TENM2: variants seen among roughly 807,000 people sequenced by gnomAD.
TENM2 encodes the protein teneurin transmembrane protein 2, also known as teneurin-2.
A neutral mutation model predicts 245.2 loss-of-function variants in TENM2; 52 were observed. That is an observed-to-expected ratio of 0.21 (90% CI 0.17 to 0.27). The LOEUF (loss-of-function observed/expected upper bound fraction) is 0.27, where lower values mean the gene tolerates loss of function less well. Among genes scored for constraint, TENM2 ranks in the 10% least tolerant of loss-of-function variants. TENM2 has a pLI of 1.00. For missense variants in TENM2, 3,046 were observed against 3,666.8 expected (o/e 0.83, Z 4.37); for synonymous variants, 1,363 against 1,438.9 (o/e 0.95, Z 1.19).
At chr5:167,569,455 T>A (rs1774135983) in intron 2 of TENM2, among the ~76,000 whole-genome samples, 3 of 152,132 alleles carry the variant, frequency 2.0e-5, no homozygotes, top group African/African-American at 7.2e-5. Context: ...CAAGTAATAA[T>A]AAACCAATGT....
intron 1 of TENM2, chr5:167,309,998 A>C (rs1475031208): frequency 6.6e-6 from 1 of 152,220 alleles, no homozygotes; most frequent in Non-Finnish European, 1.5e-5. Context: ...TGATATTTAA[A>C]TATATGATTA....
intron 3 of TENM2, among the ~76,000 whole-genome samples, chr5:167,903,695 A>G (rs1775884072): frequency 6.6e-6 from 1 of 152,200 alleles, no homozygotes; most frequent in African/African-American, 2.4e-5. Flanking sequence ...AGGAGACAGA[A>G]TAGTAGGTGG....
chr5:168,156,608 A>C (rs938237626), intron 12 of TENM2, among the ~76,000 whole-genome samples: 4 of 152,122 alleles, frequency 2.6e-5, no homozygotes, highest in African/African-American at 9.7e-5. Flanking sequence ...AGCTTTCTTC[A>C]AGTGCATTTA....
chr5:167,654,336 C>T (rs1381890082), intron 2 of TENM2, among the ~76,000 whole-genome samples: 1 of 152,094 alleles, frequency 6.6e-6, no homozygotes, highest in African/African-American at 2.4e-5. Context: ...AAGTGAGGTG[C>T]ACAGGGGTCC....
intron 2 of TENM2, among the ~76,000 whole-genome samples, chr5:167,833,059 A>G (rs909641103): frequency 3.9e-5 from 6 of 152,158 alleles, no homozygotes; most frequent in Non-Finnish European, 7.4e-5. Flanking sequence ...CGTTTTTAGA[A>G]CTAGAAGGAT....
chr5:167,744,103 T>A (rs73801367), intron 2 of TENM2, among the ~76,000 whole-genome samples: 115 of 152,318 alleles, frequency 7.5e-4, no homozygotes, highest in African/African-American at 2.6e-3. Context: ...ACAGAATCTG[T>A]TTATTCAGCC....
At chr5:167,929,101 GAAAGAAAGAAAGAAAGAA>G (rs1778056686) in intron 3 of TENM2, among the ~76,000 whole-genome samples, 1 of 104,850 alleles carries the variant, frequency 9.5e-6, no homozygotes, top group South Asian at 3.6e-4. Flanking sequence ...AAGAAAGAAA[GAAAGAAAGAAAGAAAGAA>G]AGAAAGAAAG....
intron 12 of TENM2, among the ~76,000 whole-genome samples, chr5:168,140,351 A>G (rs1755432020): frequency 6.6e-6 from 1 of 152,186 alleles, no homozygotes. Flanking sequence ...CAGCATCTAC[A>G]CTATTGGCAA....
chr5:166,984,199 C>A, the TENM2 span, among the ~76,000 whole-genome samples: 1 of 151,948 alleles, frequency 6.6e-6, no homozygotes, highest in Non-Finnish European at 1.5e-5. Flanking sequence ...GAATTTGGTT[C>A]CAAAGAATAA....
chr5:167,144,673 T>C, the TENM2 span, among the ~76,000 whole-genome samples: 69 of 152,172 alleles, frequency 4.5e-4, no homozygotes, highest in African/African-American at 1.5e-3. Context: ...TATTGCTTGT[T>C]AGCCCGTGCC....
chr5:167,986,045 G>T (rs1362497033), intron 4 of TENM2, among the ~76,000 whole-genome samples: 2 of 152,086 alleles, frequency 1.3e-5, no homozygotes, highest in African/African-American at 2.4e-5. Flanking sequence ...TATGAATGAG[G>T]TTTTTTTGTT....
chr5:167,350,292 T>A (rs941122656), intron 1 of TENM2, among the ~76,000 whole-genome samples: 1 of 152,066 alleles, frequency 6.6e-6, no homozygotes, highest in African/African-American at 2.4e-5. Context: ...CAATAATTTA[T>A]TTTTTGGATC....
chr5:167,534,351 C>T (rs1362393526), intron 2 of TENM2, among the ~76,000 whole-genome samples: 2 of 152,168 alleles, frequency 1.3e-5, no homozygotes, highest in African/African-American at 4.8e-5. Flanking sequence ...GTGAAAACCA[C>T]TTTAATGGAC....
At chr5:167,964,020 G>A (rs994043544) in intron 4 of TENM2, among the ~76,000 whole-genome samples, 2 of 152,174 alleles carry the variant, frequency 1.3e-5, no homozygotes, top group African/African-American at 4.8e-5. Context: ...ACTGCAAGCA[G>A]TCTGTACTGT....
At chr5:167,320,675 C>T (rs1581736700) in intron 1 of TENM2, among the ~76,000 whole-genome samples, 1 of 152,150 alleles carries the variant, frequency 6.6e-6, no homozygotes, top group East Asian at 1.9e-4. Context: ...TGCTCTCTTG[C>T]TCACTTGACA....
At chr5:167,262,109 G>C in the TENM2 span, among the ~76,000 whole-genome samples, 3 of 152,160 alleles carry the variant, frequency 2.0e-5, no homozygotes, top group Non-Finnish European at 4.4e-5. Flanking sequence ...CTTTGGGTAA[G>C]ATTATTTGGA....
At chr5:167,666,443 A>G (rs1450535001) in intron 2 of TENM2, among the ~76,000 whole-genome samples, 1 of 152,226 alleles carries the variant, frequency 6.6e-6, no homozygotes, top group African/African-American at 2.4e-5. Context: ...TCCAAGCCTC[A>G]GTTGCTTCAT....
intron 2 of TENM2, among the ~76,000 whole-genome samples, chr5:167,852,634 T>C (rs932729922): frequency 6.6e-5 from 10 of 152,346 alleles, no homozygotes; most frequent in Admixed American, 2.0e-4. Context: ...CTTGGCTTAA[T>C]GGTAATTGGT....
At chr5:167,102,757 C>A in the TENM2 span, among the ~76,000 whole-genome samples, 1 of 152,354 alleles carries the variant, frequency 6.6e-6, no homozygotes, top group Admixed American at 6.5e-5. Flanking sequence ...CTCCCAGGTT[C>A]ATGCGATTTT....
Sources: gnomAD v4.1 joint callset for allele counts (sites outside exome capture counted in the v4.1 genomes callset) on GRCh38, gnomAD v4.1.1 for gene constraint, MANE v1.5 for transcripts, NCBI Gene and HGNC (gene_info 2026-07-23, HGNC 2026-07-21) for gene names.